Variants in METAP1D observed in about 807,000 individuals in gnomAD.
METAP1D encodes methionyl aminopeptidase type 1D, mitochondrial, also known as methionine aminopeptidase 1D, mitochondrial.
In METAP1D, 31 loss-of-function variants were observed where a neutral mutation model predicts 40.5. That is an observed-to-expected ratio of 0.77 (90% confidence interval 0.58 to 1.03). The LOEUF is 1.03. Among genes scored for constraint, METAP1D ranks in the 50% least tolerant of loss-of-function variants. METAP1D has a pLI of 0.00. For synonymous variants in METAP1D, 151 were observed against 146.4 expected, an observed-to-expected ratio of 1.03 and a Z score of -0.22; for missense variants, 411 against 420.7, an observed-to-expected ratio of 0.98 and a Z score of 0.20.
intron 1 of METAP1D, among the ~76,000 whole-genome samples, chr2:172,041,803 AG>A (rs1255468743): frequency 1.3e-5 from 1 of 78,750 alleles, no homozygotes; most frequent in South Asian, 5.0e-4. Context: ...ATATATATAT[AG>A]TTTTTTTTTT....
Position 172,080,219 on chromosome 2 carries a change from T to C in METAP1D, c.929+13T>C, listed in dbSNP as rs749099344. ...TAGACAATCAAAGGTGTTTGCTTTC[T>C]GCTCTGTTGCTTTTAAATTGTATGG... On this transcript the variant is annotated intron_variant, in intron 9 of 9. Transcript: ENST00000315796. The C allele has an allele frequency of 2.8e-5, 45 of 1,614,048 alleles. No individual in the cohort carries two copies. Among genetic ancestry groups the C allele is most frequent in the Non-Finnish European group, 3.7e-5 (44 of 1,179,960 alleles).
intron 1 of METAP1D, among the ~76,000 whole-genome samples, chr2:172,058,083 G>C (rs1328011470): frequency 4.0e-5 from 6 of 151,894 alleles, no homozygotes; most frequent in Admixed American, 3.9e-4. Flanking sequence ...CTGGACTCCT[G>C]AGTAGCTGGA....
intron 7 of METAP1D, among the ~76,000 whole-genome samples, chr2:172,079,003 C>A (rs1221989890): frequency 6.6e-6 from 1 of 152,182 alleles, no homozygotes; most frequent in East Asian, 1.9e-4. Context: ...AGTCTTGACC[C>A]AGAGCACAGA....
intron 5 of METAP1D, among the ~76,000 whole-genome samples, chr2:172,069,335 C>T (rs550520576): frequency 4.6e-5 from 7 of 152,206 alleles, no homozygotes; most frequent in Middle Eastern, 6.8e-3. Flanking sequence ...TTCTTGACTA[C>T]GCCTATATTA....
intron 1 of METAP1D, among the ~76,000 whole-genome samples, chr2:172,008,923 G>C (rs548828972): frequency 6.6e-6 from 1 of 152,332 alleles, no homozygotes; most frequent in East Asian, 1.9e-4. Context: ...TGTGCAGGGT[G>C]TGGACCTGCT....
chr2:172,021,236 A>G (rs1333649808), intron 1 of METAP1D, among the ~76,000 whole-genome samples: 1 of 152,210 alleles, frequency 6.6e-6, no homozygotes, highest in African/African-American at 2.4e-5. Flanking sequence ...GAGGAAGCAC[A>G]GGACTCCTGG....
chr2:172,055,098 A>G (rs987118192), intron 1 of METAP1D, among the ~76,000 whole-genome samples: 1 of 152,150 alleles, frequency 6.6e-6, no homozygotes, highest in Non-Finnish European at 1.5e-5. Context: ...TGTCTCTAAA[A>G]ACATCAGATT....
intron 1 of METAP1D, among the ~76,000 whole-genome samples, chr2:172,045,699 A>ATGTGTGTGTT (rs1689725148): frequency 1.2e-5 from 1 of 82,218 alleles, no homozygotes; most frequent in Non-Finnish European, 2.2e-5. Flanking sequence ...ATTCATATAT[A>ATGTGTGTGTT]TGTGTGTGTG....
chr2:172,006,092 A>G (rs561807442), intron 1 of METAP1D, among the ~76,000 whole-genome samples: 15 of 152,342 alleles, frequency 9.8e-5, no homozygotes, highest in African/African-American at 3.4e-4. Context: ...TAAATAAAAT[A>G]TCAATATTTC....
chr2:172,051,517 C>G (rs1689883647), intron 1 of METAP1D, among the ~76,000 whole-genome samples: 1 of 152,174 alleles, frequency 6.6e-6, no homozygotes, highest in East Asian at 1.9e-4. Context: ...ATGTTATACT[C>G]TATCAGTTGC....
At chr2:172,023,003 A>G (rs1391873726) in intron 1 of METAP1D, among the ~76,000 whole-genome samples, 1 of 152,158 alleles carries the variant, frequency 6.6e-6, no homozygotes, top group Non-Finnish European at 1.5e-5. Flanking sequence ...CCTGACCAAC[A>G]TGGAGAAACC....
chr2:172,065,575 C>A, intron 3 of METAP1D, 29 bp from the exon 4 acceptor site: 1 of 1,609,130 alleles, frequency 6.2e-7, no homozygotes, highest in Non-Finnish European at 8.5e-7. Context: ...TCAATTGTTG[C>A]TGCACAATTT....
chr2:172,020,662 G>A (rs1688986175), intron 1 of METAP1D, among the ~76,000 whole-genome samples: 1 of 152,170 alleles, frequency 6.6e-6, no homozygotes, highest in African/African-American at 2.4e-5. Context: ...TGCATTGGTA[G>A]GCAATAAGCA....
Position 172,080,340 on chromosome 2 carries a change from C to G in METAP1D, c.942C>G (p.Phe314Leu). 6.2e-7 allele frequency: 1 copy of G among 1,614,058 alleles called. No individual in the cohort carries two copies. The highest frequency in any genetic ancestry group is 8.5e-7 in the Non-Finnish European group (1 of 1,179,924). The change falls in exon 10 of 10, where the codon TTC becomes TTG. Residue 314 changes from phenylalanine to leucine, a missense_variant. Coordinates refer to ENST00000315796, the MANE Select transcript of METAP1D (RefSeq NM_199227.3). Reference protein sequence around the residue: ...VSLDNQRSAQFEHTVLITSRG... With the variant: ...VSLDNQRSAQLEHTVLITSRG... Reference sequence around the variant, plus strand: ...TGCTGTGTTACAGGTCGGCGCAGTTCGAGCACACGGTTCTGATCACGTCGA... The same window carrying G: ...TGCTGTGTTACAGGTCGGCGCAGTTGGAGCACACGGTTCTGATCACGTCGA...
In METAP1D at chr2:172,028,550, G is replaced by GAGCAGACTTC. The variant is rs1689171564; in HGVS notation, c.40+28541_40+28542insAGCAGACTTC. Among the ~76,000 whole-genome samples the GAGCAGACTTC allele has an allele frequency of 3.0e-4, 7 of 23,266 alleles. 1 individual carries two copies. The South Asian group carries it at 0.014, about 47-fold the overall frequency. 15.3% of individuals were successfully genotyped at this position (23,266 alleles called of 152,430 possible). On this transcript the variant is annotated intron_variant, in intron 1 of 9. Transcript: ENST00000315796. Reference sequence around the variant, plus strand: ...GACTTCTGTATGTGTGTCTGTGTGTGTGTGTGTGTGTGTGTGTGTGTGTGT... The same window carrying GAGCAGACTTC: ...GACTTCTGTATGTGTGTCTGTGTGTGAGCAGACTTCTGTGTGTGTGTGTGTGTGTGTGTGT...
intron 1 of METAP1D, among the ~76,000 whole-genome samples, chr2:172,007,512 A>T (rs192502828): frequency 8.4e-4 from 128 of 151,980 alleles, no homozygotes; most frequent in African/African-American, 3.1e-3. Context: ...TTTTGCTGTT[A>T]GTTCTAGGGG....
chr2:172,002,742 C>T (rs1688494394), intron 1 of METAP1D, among the ~76,000 whole-genome samples: 1 of 152,180 alleles, frequency 6.6e-6, no homozygotes, highest in African/African-American at 2.4e-5. Context: ...CTCCTCTCTC[C>T]ACCCTCTTCC....
intron 1 of METAP1D, among the ~76,000 whole-genome samples, chr2:172,022,999 C>T (rs1488381108): frequency 2.0e-5 from 3 of 152,014 alleles, no homozygotes; most frequent in Non-Finnish European, 2.9e-5. Flanking sequence ...TCAGCCTGAC[C>T]AACATGGAGA....
At chr2:172,039,370 A>T (rs1324188228) in intron 1 of METAP1D, among the ~76,000 whole-genome samples, 1 of 152,224 alleles carries the variant, frequency 6.6e-6, no homozygotes, top group African/African-American at 2.4e-5. Flanking sequence ...GTATAGGGTA[A>T]TGAGCAGCTA....
Sources: allele counts gnomAD v4.1 joint callset (sites outside exome capture counted in the v4.1 genomes callset), GRCh38; gene constraint gnomAD v4.1.1; transcripts MANE v1.5; gene names NCBI Gene and HGNC (gene_info 2026-07-23, HGNC 2026-07-21).